The following HS3ST4 variants were observed in gnomAD, a reference collection of about 807,000 sequenced individuals.
HS3ST4 encodes the protein heparan sulfate glucosamine 3-O-sulfotransferase 4.
A neutral mutation model predicts 29.2 loss-of-function variants in HS3ST4; 17 were observed. The ratio of observed to expected loss-of-function variants is 0.58; its 90% confidence interval spans 0.40 to 0.87. The LOEUF (loss-of-function observed/expected upper bound fraction) is 0.87, where lower values mean the gene tolerates loss of function less well. Among genes scored for constraint, HS3ST4 ranks in the 40% least tolerant of loss-of-function variants. The probability of loss-of-function intolerance (pLI) is 0.00; values close to 1 mark genes in which losing one functional copy is unlikely to be tolerated. For missense variants in HS3ST4, 627 were observed against 634.5 expected (o/e 0.99, Z 0.13); for synonymous variants, 314 against 285.7 (o/e 1.10, Z -1.00).
chr16:25,762,243 C>G (rs1966792919), intron 1 of HS3ST4, among the ~76,000 whole-genome samples: 1 of 152,118 alleles, frequency 6.6e-6, no homozygotes, highest in Non-Finnish European at 1.5e-5. Context: ...TATGGTATTC[C>G]GTTACAGCAG....
chr16:26,094,532 A>C (rs969018495), intron 1 of HS3ST4, among the ~76,000 whole-genome samples: 1 of 152,226 alleles, frequency 6.6e-6, no homozygotes, highest in Admixed American at 6.5e-5. Context: ...TAAGTGAAGG[A>C]GAAATAGAAT....
At chr16:26,066,785 T>C (rs552425190) in intron 1 of HS3ST4, among the ~76,000 whole-genome samples, 2 of 152,360 alleles carry the variant, frequency 1.3e-5, no homozygotes, top group East Asian at 3.9e-4. Flanking sequence ...CACTTTAGAA[T>C]GAGAGCCTCA....
intron 1 of HS3ST4, among the ~76,000 whole-genome samples, chr16:26,119,128 A>G (rs999399046): frequency 1.3e-5 from 2 of 152,240 alleles, no homozygotes; most frequent in African/African-American, 4.8e-5. Flanking sequence ...TGTACACTGC[A>G]AATAGCAGAG....
intron 1 of HS3ST4, among the ~76,000 whole-genome samples, chr16:26,018,183 A>G (rs1969378262): frequency 1.3e-5 from 2 of 152,202 alleles, no homozygotes; most frequent in Non-Finnish European, 2.9e-5. Flanking sequence ...AGTTCCCAGC[A>G]CAGGACCTCA....
At chr16:26,041,557 T>A (rs1969636240) in intron 1 of HS3ST4, among the ~76,000 whole-genome samples, 1 of 152,106 alleles carries the variant, frequency 6.6e-6, no homozygotes, top group African/African-American at 2.4e-5. Context: ...ATGGGAGCCA[T>A]TGGTCTACAT....
intron 1 of HS3ST4, among the ~76,000 whole-genome samples, chr16:26,085,373 G>T (rs1416500710): frequency 6.6e-6 from 1 of 152,220 alleles, no homozygotes; most frequent in African/African-American, 2.4e-5. Context: ...TAGGGATCCA[G>T]AGATCCAGCA....
intron 1 of HS3ST4, among the ~76,000 whole-genome samples, chr16:25,718,021 A>G (rs555120085): frequency 6.6e-6 from 1 of 152,236 alleles, no homozygotes; most frequent in East Asian, 1.9e-4. Flanking sequence ...GAGGGGTGAG[A>G]GAGAGGAAAG....
chr16:25,869,845 C>T (rs1967731277), intron 1 of HS3ST4, among the ~76,000 whole-genome samples: 1 of 152,168 alleles, frequency 6.6e-6, no homozygotes, highest in Admixed American at 6.6e-5. Context: ...GGTCTTAGAA[C>T]ACCTCTGTTG....
chr16:26,025,514 A>G (rs961571678), intron 1 of HS3ST4, among the ~76,000 whole-genome samples: 2 of 152,164 alleles, frequency 1.3e-5, no homozygotes, highest in African/African-American at 4.8e-5. Context: ...TTTGAAACAG[A>G]GTTTAGGTCT....
intron 1 of HS3ST4, among the ~76,000 whole-genome samples, chr16:25,960,790 G>C (rs867750822): frequency 1.3e-5 from 2 of 152,188 alleles, no homozygotes; most frequent in Admixed American, 6.5e-5. Context: ...AAATCAGAGT[G>C]ATATTTTGTA....
In HS3ST4 at chr16:25,869,328, G is replaced by A. The variant is rs1037701923; in HGVS notation, c.734+176177G>A. Among the ~76,000 whole-genome samples the A allele has an allele frequency of 9.2e-5, 14 of 152,042 alleles. 1 individual carries two copies. Among genetic ancestry groups the A allele is most frequent in the Admixed American group, 3.9e-4 (6 of 15,252 alleles). On this transcript the variant is annotated intron_variant, in intron 1 of 1. Coordinates refer to ENST00000331351, the MANE Select transcript of HS3ST4 (RefSeq NM_006040.3). ...CCGCAAGCAAAGGACAGGTTGTGAC[G>A]ACTTTCCCCATGTAGGGAGTGGGAA...
At position 25,740,315 on chromosome 16, in the gene HS3ST4, C is replaced by A. The variant is rs1328119422; in HGVS notation, c.734+47164C>A. Among the ~76,000 whole-genome samples the A allele has an allele frequency of 2.0e-5, 3 of 152,246 alleles. No individual in the cohort carries two copies. The East Asian group carries it at 5.8e-4, about 29-fold the overall frequency. On this transcript the variant is annotated intron_variant, in intron 1 of 1. Transcript: ENST00000331351. Reference sequence around the variant, plus strand: ...GGAGAAAAAAGTCAAAAATTACTTCCAAGTTTCTACTCTGACAGAAAAAAA... The same window carrying A: ...GGAGAAAAAAGTCAAAAATTACTTCAAAGTTTCTACTCTGACAGAAAAAAA...
intron 1 of HS3ST4, among the ~76,000 whole-genome samples, chr16:25,807,837 A>T (rs1449790127): frequency 1.3e-5 from 2 of 152,156 alleles, no homozygotes; most frequent in East Asian, 3.9e-4. Context: ...AATATTAACC[A>T]TTTAAATAGG....
intron 1 of HS3ST4, among the ~76,000 whole-genome samples, chr16:25,805,837 C>T (rs1383572296): frequency 6.6e-6 from 1 of 152,032 alleles, no homozygotes; most frequent in East Asian, 1.9e-4. Context: ...GCTATTTTTC[C>T]TAATGCTCCC....
chr16:26,051,821 A>C (rs1379557286), intron 1 of HS3ST4, among the ~76,000 whole-genome samples: 18 of 123,274 alleles, frequency 1.5e-4, no homozygotes, highest in African/African-American at 3.0e-4. Flanking sequence ...CTTTCTTTCC[A>C]TTCTCACTCC....
chr16:25,806,675 GAT>G (rs1966994146), intron 1 of HS3ST4, among the ~76,000 whole-genome samples: 1 of 152,102 alleles, frequency 6.6e-6, no homozygotes, highest in Non-Finnish European at 1.5e-5. Flanking sequence ...AATGTGGAGA[GAT>G]AGCATACATT....
At chr16:26,081,545 A>T (rs888426033) in intron 1 of HS3ST4, among the ~76,000 whole-genome samples, 1 of 152,162 alleles carries the variant, frequency 6.6e-6, no homozygotes, top group Admixed American at 6.5e-5. Context: ...CTGTCCATTG[A>T]TAAAGTAAGT....
At position 25,733,317 on chromosome 16, in the gene HS3ST4, G is replaced by A. The variant is rs190594755; in HGVS notation, c.734+40166G>A. Among the ~76,000 whole-genome samples, 25 of 152,236 alleles carry A rather than the reference G, an allele frequency of 1.6e-4. No homozygotes were observed. The East Asian group carries it at 4.3e-3, about 26-fold the overall frequency. ...TGGATTTGTTAGTCTCCACTTGTGA[G>A]CATCTTGGTGGAGGATAACAGGTTC... On this transcript the variant is annotated intron_variant, in intron 1 of 1. Coordinates refer to ENST00000331351, the MANE Select transcript of HS3ST4 (RefSeq NM_006040.3).
At chr16:25,797,505 A>C (rs1260722819) in intron 1 of HS3ST4, among the ~76,000 whole-genome samples, 2 of 152,228 alleles carry the variant, frequency 1.3e-5, no homozygotes, top group African/African-American at 4.8e-5. Context: ...GGCTTAGGAC[A>C]CCAAAGACAG....
Sources: gnomAD v4.1 joint callset for allele counts (sites outside exome capture counted in the v4.1 genomes callset) on GRCh38, gnomAD v4.1.1 for gene constraint, MANE v1.5 for transcripts, NCBI Gene and HGNC (gene_info 2026-07-23, HGNC 2026-07-21) for gene names.